PHKB: variants seen among roughly 807,000 people sequenced by gnomAD.
The protein encoded by PHKB is phosphorylase b kinase regulatory subunit beta.
PHKB carries 122 observed loss-of-function variants against 152.1 expected under a neutral mutation model. The ratio of observed to expected loss-of-function variants is 0.80; its 90% confidence interval spans 0.69 to 0.93. PHKB has a LOEUF of 0.93. PHKB is among the 40% of genes least tolerant of loss of function. The pLI is 0.00. For missense variants in PHKB, 1,304 were observed against 1,328.4 expected (o/e 0.98, Z 0.29); for synonymous variants, 436 against 464.9 (o/e 0.94, Z 0.80).
At chr16:47,611,263 C>T (rs751876548) in intron 14 of PHKB, among the ~76,000 whole-genome samples, 3 of 152,206 alleles carry the variant, frequency 2.0e-5, no homozygotes, top group Non-Finnish European at 4.4e-5. Flanking sequence ...CTTGATGTCT[C>T]TCCTGTGCTG....
intron 10 of PHKB, chr16:47,590,676 T>G (rs1972013860): frequency 6.6e-6 from 1 of 152,204 alleles, no homozygotes; most frequent in South Asian, 2.1e-4. Context: ...CCAGCAAGCT[T>G]TCTTGCTTTG....
intron 1 of PHKB, among the ~76,000 whole-genome samples, chr16:47,485,484 G>A (rs183337107): frequency 1.3e-5 from 2 of 152,194 alleles, no homozygotes; most frequent in Non-Finnish European, 2.9e-5. Flanking sequence ...ATCAGAGAAT[G>A]TGGATGGGAC....
chr16:47,664,829 C>T lies in PHKB; in HGVS notation c.2337-56C>T. On this transcript the variant is annotated intron_variant, in intron 24 of 30. Transcript: ENST00000323584. Reference sequence around the variant, plus strand: ...CTGACTGTTATGTTTGGAAGAACTCCTGGAAGTTTTATTTACTCTATTTTC... The same window carrying T: ...CTGACTGTTATGTTTGGAAGAACTCTTGGAAGTTTTATTTACTCTATTTTC... The T allele has an allele frequency of 1.6e-5, 17 of 1,091,172 alleles. No individual in the cohort carries two copies. The South Asian group carries it at 2.2e-4, about 14-fold the overall frequency. 67.6% of individuals were successfully genotyped at this position (1,091,172 alleles called of 1,614,324 possible).
intron 4 of PHKB, among the ~76,000 whole-genome samples, chr16:47,507,878 T>G (rs1193293572): frequency 1.3e-5 from 2 of 152,340 alleles, no homozygotes; most frequent in Non-Finnish European, 2.9e-5. Context: ...CTTTTCCTCC[T>G]GTCTTGGCCA....
At chr16:47,591,992 T>G (rs1972036630) in intron 10 of PHKB, among the ~76,000 whole-genome samples, 1 of 152,148 alleles carries the variant, frequency 6.6e-6, no homozygotes, top group East Asian at 1.9e-4. Flanking sequence ...CTGCAGACAT[T>G]TTGGGTTATC....
At chr16:47,474,834 C>T (rs1969840927) in intron 1 of PHKB, among the ~76,000 whole-genome samples, 1 of 152,014 alleles carries the variant, frequency 6.6e-6, no homozygotes, top group African/African-American at 2.4e-5. Flanking sequence ...AAGCGATTCT[C>T]CTGCCTCAGC....
intron 16 of PHKB, among the ~76,000 whole-genome samples, chr16:47,643,287 C>T (rs1014323872): frequency 1.3e-5 from 2 of 152,138 alleles, no homozygotes; most frequent in African/African-American, 2.4e-5. Context: ...TGTCCCTGTT[C>T]TCAGTGACCT....
intron 14 of PHKB, among the ~76,000 whole-genome samples, chr16:47,624,710 A>C (rs960164475): frequency 6.6e-6 from 1 of 151,958 alleles, no homozygotes; most frequent in Non-Finnish European, 1.5e-5. Context: ...CTCCGCAGCT[A>C]TTCACCTCTC....
At chr16:47,653,882 G>A (rs59880703) in intron 20 of PHKB, among the ~76,000 whole-genome samples, 1 of 152,132 alleles carries the variant, frequency 6.6e-6, no homozygotes, top group East Asian at 1.9e-4. Context: ...TAGAGCTTTT[G>A]GCAATTTCAT....
intron 26 of PHKB, chr16:47,675,536 C>CTT (rs368511294): frequency 5.9e-5 from 9 of 151,888 alleles, no homozygotes; most frequent in African/African-American, 1.7e-4. Flanking sequence ...CTCTCTCTCT[C>CTT]TCTCTCTCTC....
At chr16:47,513,909 T>C (rs1970551569) in intron 5 of PHKB, among the ~76,000 whole-genome samples, 2 of 152,224 alleles carry the variant, frequency 1.3e-5, no homozygotes, top group African/African-American at 4.8e-5. Flanking sequence ...TGGTTTTTAG[T>C]ATATTCAGAG....
chr16:47,689,858 A>G (rs1456145256), intron 27 of PHKB, among the ~76,000 whole-genome samples: 1 of 152,238 alleles, frequency 6.6e-6, no homozygotes, highest in Non-Finnish European at 1.5e-5. Context: ...CTCGTTCTTA[A>G]ATAGGAACAT....
chr16:47,569,339 G>A (rs938693200), intron 7 of PHKB, among the ~76,000 whole-genome samples: 11 of 152,072 alleles, frequency 7.2e-5, no homozygotes, highest in South Asian at 6.2e-4. Flanking sequence ...CTCTTTTGGT[G>A]TCCATTCATG....
At chr16:47,476,098 G>C (rs1969863536) in intron 1 of PHKB, among the ~76,000 whole-genome samples, 1 of 151,738 alleles carries the variant, frequency 6.6e-6, no homozygotes, top group Non-Finnish European at 1.5e-5. Flanking sequence ...TCAAGCTCCT[G>C]TCCTCAAGCA....
In PHKB at chr16:47,610,741, G is replaced by T. The variant is rs1416074470; in HGVS notation, c.1364-85G>T. 5.1e-6 allele frequency: 4 copies of T among 777,388 alleles called. No homozygotes were observed. In the African/African-American group the frequency reaches 6.8e-5, roughly 13 times the overall value. 48.2% of individuals were successfully genotyped at this position (777,388 alleles called of 1,614,324 possible). The stretch of plus-strand genomic sequence containing the variant: ...TGAGAAAAATGTATATTCTTCTCTT[G>T]TTGGAGTATTTTCTAAAAGTCTAGT... On this transcript the variant is annotated intron_variant, in intron 13 of 30. Coordinates refer to ENST00000323584, the MANE Select transcript of PHKB (RefSeq NM_000293.3).
chr16:47,690,803 GA>G (rs1234832512), intron 27 of PHKB, among the ~76,000 whole-genome samples: 1 of 152,062 alleles, frequency 6.6e-6, no homozygotes, highest in Non-Finnish European at 1.5e-5. Context: ...AATTGTAAAG[GA>G]AAAAATAGTG....
chr16:47,686,592 T>G (rs182489880), intron 26 of PHKB, among the ~76,000 whole-genome samples: 70 of 152,350 alleles, frequency 4.6e-4, no homozygotes, highest in Non-Finnish European at 8.8e-4. Flanking sequence ...TGGGGCACAG[T>G]TGGTAAGTGA....
At chr16:47,505,812 C>T (rs537442925) in intron 4 of PHKB, among the ~76,000 whole-genome samples, 8 of 151,438 alleles carry the variant, frequency 5.3e-5, no homozygotes, top group East Asian at 3.9e-4. Flanking sequence ...ACGGGTGGAT[C>T]GCTTGAGGCC....
chr16:47,681,254 G>A (rs1973848642), intron 26 of PHKB, among the ~76,000 whole-genome samples: 1 of 151,750 alleles, frequency 6.6e-6, no homozygotes, highest in South Asian at 2.1e-4. Context: ...CTGTTGATTT[G>A]GGGTGGAGAG....
Sources: allele counts gnomAD v4.1 joint callset (sites outside exome capture counted in the v4.1 genomes callset), GRCh38; gene constraint gnomAD v4.1.1; transcripts MANE v1.5; gene names NCBI Gene and HGNC (gene_info 2026-07-23, HGNC 2026-07-21).